The following GGA3 variants were observed in gnomAD, a reference collection of about 807,000 sequenced individuals.
GGA3 encodes the protein ADP-ribosylation factor-binding protein GGA3.
A neutral mutation model predicts 77.5 loss-of-function variants in GGA3; 57 were observed. That is an observed-to-expected ratio of 0.74 (90% CI 0.59 to 0.92). The LOEUF is 0.92. Ranked by LOEUF, GGA3 falls within the 40% of genes least tolerant of loss-of-function variation. The probability of loss-of-function intolerance (pLI) is 0.00; values close to 1 mark genes in which losing one functional copy is unlikely to be tolerated. For missense variants in GGA3, 970 were observed against 914.9 expected (o/e 1.06, Z -0.78); for synonymous variants, 416 against 383.7 (o/e 1.08, Z -0.98).
chr17:75,242,718 GGGCAGCT>G, intron 7 of GGA3, 106 bp downstream of exon 7: 1 of 992,134 alleles, frequency 1.0e-6, no homozygotes, highest in African/African-American at 1.6e-5. Context: ...GGCACAGGTA[GGGCAGCT>G]GGCAGCAGGG....
rs775978259 is a variant in GGA3, at chr17:75,237,466, TAGTC to T, written c.*809_*812del. On this transcript the variant is annotated 3_prime_UTR_variant, in exon 17 of 17. Transcript: ENST00000537686. ...AGTTTATTTCATGCCAAGCAAGAGG[TAGTC>T]AGTAGGATGGCCTGTCCCCACGGCT... is the stretch of plus-strand genomic sequence containing the variant. The T allele has an allele frequency of 5.5e-5, 84 of 1,533,452 alleles. No individual in the cohort carries two copies. The highest frequency in any genetic ancestry group is 6.1e-5 in the Non-Finnish European group (70 of 1,144,698). The allele number at this position is 1,533,452 out of a possible 1,614,324, so 95.0% of individuals were successfully genotyped here.
Position 75,240,014 on chromosome 17 carries a change from G to C in GGA3, c.1358C>G (p.Ser453Cys). 1 of 1,552,356 alleles carries C rather than the reference G, an allele frequency of 6.4e-7. No homozygotes were observed. The highest frequency in any genetic ancestry group is 2.4e-5 in the East Asian group (1 of 41,206). Residue 453 changes from serine (S) to cysteine (C), a missense_variant, in exon 13 of 17, where the codon TCC becomes TGC. Coordinates refer to ENST00000537686, the MANE Select transcript of GGA3 (RefSeq NM_138619.4). Reference sequence around the variant, plus strand: ...CAGTGGAGCTTGGGAGCTGCTTGAGGAGGGGGCTGAGGGCTGGAGCAGAGG... The same window carrying C: ...CAGTGGAGCTTGGGAGCTGCTTGAGCAGGGGGCTGAGGGCTGGAGCAGAGG... ...DAPLLQPSAPSSSSSQAPLPP... is the reference protein window; with the variant it reads ...DAPLLQPSAPCSSSSQAPLPP...
At position 75,240,052 on chromosome 17, in the gene GGA3, G is replaced by A. The variant is rs756017476; in HGVS notation, c.1320C>T (p.Gly440=). Residue 440 remains glycine, a synonymous_variant, in exon 13 of 17, where the codon GGC becomes GGT. Transcript: ENST00000537686. ...GCTGGAGCAGAGGAGCATCGGAGGC[G>A]CCACAGGCAGCGGTCCCCGGCCTGG... ...FSPRPGTAAC[G]ASDAPLLQPS... 4.3e-5 allele frequency: 66 copies of A among 1,519,226 alleles called. No homozygotes were observed. In the Middle Eastern group the frequency reaches 1.1e-3, roughly 26 times the overall value. 94.1% of individuals were successfully genotyped at this position (1,519,226 alleles called of 1,614,324 possible).
chr17:75,261,855 A>C (rs758678640), upstream of GGA3: 1 of 1,581,770 alleles, frequency 6.3e-7, no homozygotes, highest in South Asian at 1.1e-5. Context: ...TCACTCGCTC[A>C]GGCGCGCCGA....
At chr17:75,244,106 C>T (rs146492809) in intron 4 of GGA3, among the ~76,000 whole-genome samples, 3 of 152,122 alleles carry the variant, frequency 2.0e-5, no homozygotes, top group South Asian at 2.1e-4. Flanking sequence ...TGCATTTTCA[C>T]GCACAAGTTG....
intron 1 of GGA3, among the ~76,000 whole-genome samples, chr17:75,258,888 A>G (rs2077246595): frequency 6.6e-6 from 1 of 150,994 alleles, no homozygotes; most frequent in South Asian, 2.1e-4. Context: ...TCCTCAATGA[A>G]TCATCTCTTC....
rs758074196 is a variant in GGA3, at chr17:75,238,776, A to C, written c.1951-14T>G. On this transcript the variant is annotated splice_polypyrimidine_tract_variant and intron_variant, in intron 15 of 16. Coordinates refer to ENST00000537686, the MANE Select transcript of GGA3 (RefSeq NM_138619.4). ...CACTTTCATTGACTAAAGAGAGAGA[A>C]ACTCCTTTGAAGAGAACTGGTAGGT... The C allele has an allele frequency of 1.1e-5, 17 of 1,601,054 alleles. No homozygotes were observed. In the East Asian group the frequency reaches 3.1e-4, roughly 29 times the overall value.
rs1290796709 is a variant in GGA3, at chr17:75,241,385, A to T, written c.946+15T>A. The T allele has an allele frequency of 6.6e-7, 1 of 1,515,042 alleles. No homozygotes were observed. The highest frequency in any genetic ancestry group is 1.1e-5 in the South Asian group (1 of 89,078). 93.8% of individuals were successfully genotyped at this position (1,515,042 alleles called of 1,614,324 possible). On this transcript the variant is annotated intron_variant, in intron 10 of 16. Coordinates refer to ENST00000537686, the MANE Select transcript of GGA3 (RefSeq NM_138619.4). ...GGTCTGGAGGAGCCTAGAGTTGGGG[A>T]CCAGAGCATCTCACCTTCCGAGTCA...
chr17:75,261,429 C>T, intron 1 of GGA3, 119 bp downstream of exon 1: 3 of 747,246 alleles, frequency 4.0e-6, no homozygotes, highest in Non-Finnish European at 5.8e-6. Flanking sequence ...GCGGCGAGGG[C>T]GAGACCGGGC....
chr17:75,244,473 C>G, intron 4 of GGA3, 146 bp downstream of exon 4: 1 of 675,192 alleles, frequency 1.5e-6, no homozygotes, highest in South Asian at 1.7e-5. Flanking sequence ...CATCCCGTTA[C>G]CTCCAGGGCC....
Position 75,239,939 on chromosome 17 carries a change from C to G in GGA3, c.1433G>C (p.Ser478Thr). 1 of 1,592,412 alleles carries G rather than the reference C, an allele frequency of 6.3e-7. No homozygotes were observed. The highest frequency in any genetic ancestry group is 8.5e-7 in the Non-Finnish European group (1 of 1,169,928). The change falls in exon 13 of 17, where the codon AGT (serine) becomes ACT (threonine). Residue 478 changes from serine to threonine, a missense_variant. By Grantham distance (58) the Ser-to-Thr change is moderately conservative. Coordinates refer to ENST00000537686, the MANE Select transcript of GGA3 (RefSeq NM_138619.4). ...PVVPASVPAP[S>T]AGSSLFSTGV... ...AGTAGAAAACAAGGAGGAGCCCGCA[C>G]TGGGGGCAGGAACACTGGCTGGGAC...
chr17:75,241,817 A>C, intron 8 of GGA3, 121 bp from the exon 9 acceptor site: 1 of 837,076 alleles, frequency 1.2e-6, no homozygotes, highest in Non-Finnish European at 2.0e-6. Context: ...AATTACCAGC[A>C]AAGCTGGGAT....
At chr17:75,262,298 G>A (rs1215319927), upstream of GGA3, 1 of 688,362 alleles carries the variant, frequency 1.5e-6, no homozygotes. Context: ...CACTTGACCA[G>A]GAGGAGACTT....
Position 75,238,210 on chromosome 17 carries a change from G to T in GGA3, c.*69C>A. On this transcript the variant is annotated 3_prime_UTR_variant, in exon 17 of 17. Transcript: ENST00000537686. ...GTTGTCAGGGCATGGAGAGTGACGG[G>T]ACCAGAGCCCTCCTCGTCTCAGGGC... is the stretch of plus-strand genomic sequence containing the variant. The T allele has an allele frequency of 6.3e-7, 1 of 1,580,084 alleles. No homozygotes were observed.
intron 14 of GGA3, 85 bp downstream of exon 14, chr17:75,239,290 G>A (rs969237031): frequency 3.3e-6 from 4 of 1,217,086 alleles, no homozygotes; most frequent in Admixed American, 4.9e-5. Context: ...TGCAAAGAGT[G>A]CCTGGATCCA....
intron 1 of GGA3, among the ~76,000 whole-genome samples, chr17:75,252,916 T>A (rs914710346): frequency 1.6e-4 from 25 of 152,262 alleles, no homozygotes; most frequent in East Asian, 1.2e-3. Context: ...CCAAAACCTA[T>A]AAGAACTAAT....
rs768807486 is a variant in GGA3 at position 75,238,963 on chromosome 17, G to A, written c.1901C>T (p.Thr634Met). The A allele has an allele frequency of 1.2e-6, 2 of 1,614,100 alleles. No homozygotes were observed. Among genetic ancestry groups the A allele is most frequent in the Non-Finnish European group, 8.5e-7 (1 of 1,180,022 alleles). Residue 634 changes from threonine to methionine, a missense_variant, in exon 15 of 17, where the codon ACG becomes ATG. Transcript: ENST00000537686. ...GATGCTCTTGACAGGTAAGGGAGCC[G>A]TGTTCAGCATGGACACCACCACCAC... is the stretch of plus-strand genomic sequence containing the variant. Reference protein sequence around the residue: ...VLVVVVSMLNTAPLPVKSIVL... With the variant: ...VLVVVVSMLNMAPLPVKSIVL...
At position 75,237,403 on chromosome 17, in the gene GGA3, G is replaced by A. The variant is rs1031515735; in HGVS notation, c.*876C>T. ...AGAGGAGAGGGAGGCCAAAGCAGTA[G>A]GATGTAGAGTGGCGGTAGATTCCAA... On this transcript the variant is annotated 3_prime_UTR_variant, in exon 17 of 17. Transcript: ENST00000537686. 24 of 1,285,122 alleles carry A rather than the reference G, an allele frequency of 1.9e-5. No individual in the cohort carries two copies. The highest frequency in any genetic ancestry group is 1.5e-4 in the East Asian group (6 of 39,856). The allele number at this position is 1,285,122 out of a possible 1,614,324, so 79.6% of individuals were successfully genotyped here. A position where few individuals can be genotyped will look rare whatever the true frequency, so the allele number is the denominator to read the frequency against.
chr17:75,248,813 A>ACC, intron 1 of GGA3: 6 of 689,040 alleles, frequency 8.7e-6, no homozygotes, highest in East Asian at 3.2e-4. Context: ...AAAACAAAAA[A>ACC]AACAAAACAA....
Sources: gnomAD v4.1 joint callset for allele counts (sites outside exome capture counted in the v4.1 genomes callset) on GRCh38, gnomAD v4.1.1 for gene constraint, MANE v1.5 for transcripts, NCBI Gene and HGNC (gene_info 2026-07-23, HGNC 2026-07-21) for gene names.